PCDH1: variants seen among roughly 807,000 people sequenced by gnomAD.
PCDH1 encodes the protein protocadherin-1.
A neutral mutation model predicts 74.6 loss-of-function variants in PCDH1; 23 were observed. The ratio of observed to expected loss-of-function variants is 0.31; its 90% confidence interval spans 0.22 to 0.44. The LOEUF is 0.44. Among genes scored for constraint, PCDH1 ranks in the 20% least tolerant of loss-of-function variants. The pLI, the probability that PCDH1 is intolerant of heterozygous loss-of-function variation, is 1.00. For synonymous variants in PCDH1, 647 were observed against 686.1 expected (o/e 0.94, Z 0.89); for missense variants, 1,214 against 1,641.4 (o/e 0.74, Z 4.50).
chr5:141,860,839 G>T (rs1235786305), intron 3 of PCDH1, among the ~76,000 whole-genome samples: 5 of 152,184 alleles, frequency 3.3e-5, no homozygotes, highest in Non-Finnish European at 7.3e-5. Context: ...GTGAGTGCCG[G>T]GCATGGTGGC....
rs546093315 is a variant in PCDH1 at position 141,862,961 on chromosome 5, G to T, written c.3099+271C>A. ...CATAAGGCCCAGTAGCTGGTCCAGG[G>T]TCCAGGGACTTGGCAAATCACAGGT... On this transcript the variant is annotated intron_variant, in intron 3 of 4. Transcript: ENST00000287008. 429 of 1,248,606 alleles carry T rather than the reference G, an allele frequency of 3.4e-4. 1 individual carries two copies. Among genetic ancestry groups the T allele is most frequent in the Non-Finnish European group, 4.1e-4 (414 of 997,772 alleles). The allele number at this position is 1,248,606 out of a possible 1,614,324, so 77.3% of individuals were successfully genotyped here. A position where few individuals can be genotyped will look rare whatever the true frequency, so the allele number is the denominator to read the frequency against.
intron 1 of PCDH1, among the ~76,000 whole-genome samples, chr5:141,876,228 C>T (rs1753229015): frequency 6.6e-6 from 1 of 152,216 alleles, no homozygotes; most frequent in African/African-American, 2.4e-5. Context: ...GAACCCAAGG[C>T]AAGGCTAGGG....
Position 141,863,421 on chromosome 5 carries a change from G to A in PCDH1, c.2910C>T (p.Arg970=). The stretch of plus-strand genomic sequence containing the variant: ...GGATGGAAGGCAGTGGGGAGTTAGA[G>A]CGATAGTGGCGGCCCAGGTCAGGGC... The part of the protein sequence containing the change: ...PGSPDLGRHY[R]SNSPLPSIQL... The change falls in exon 3 of 5, where the codon CGC becomes CGT. Residue 970 remains arginine, a synonymous_variant. Transcript: ENST00000287008. This position sits in a 1 kb window ranked among gnomAD's most constrained non-coding sequence, Gnocchi z 7.5. 1 of 1,562,400 alleles carries A rather than the reference G, an allele frequency of 6.4e-7. No homozygotes were observed. Among genetic ancestry groups the A allele is most frequent in the Non-Finnish European group, 8.7e-7 (1 of 1,153,274 alleles).
Position 141,863,122 on chromosome 5 carries a change from C to A in PCDH1, c.3099+110G>T. 2.1e-6 allele frequency: 3 copies of A among 1,427,002 alleles called. No homozygotes were observed. The highest frequency in any genetic ancestry group is 1.4e-5 in the African/African-American group (1 of 70,780). 88.4% of individuals were successfully genotyped at this position (1,427,002 alleles called of 1,614,324 possible). On this transcript the variant is annotated intron_variant, in intron 3 of 4. Coordinates refer to ENST00000287008, the MANE Select transcript of PCDH1 (RefSeq NM_032420.5). This position sits in a 1 kb window ranked among gnomAD's most constrained non-coding sequence, Gnocchi z 7.5. ...TGCTGGCTCAGGCTGGCCCCCAACACGGGCAGGCACAGTAAACCTGCTCCA... is the reference window on the plus strand; with the variant it reads ...TGCTGGCTCAGGCTGGCCCCCAACAAGGGCAGGCACAGTAAACCTGCTCCA...
At chr5:141,866,151 G>T in intron 2 of PCDH1, 1 of 985,490 alleles carries the variant, frequency 1.0e-6, no homozygotes, top group Non-Finnish European at 1.2e-6. Flanking sequence ...AAGCCCTCCA[G>T]GCCGGGCCCC....
chr5:141,863,765 C>T lies in PCDH1; in HGVS notation c.2566G>A (p.Gly856Ser). ...ACGGCCACCACACCAGCCACCACAC[C>T]AAAGAGAATGTTGCCACGCTGCTTG... ...RSKQRGNILF[G>S]VVAGVVAVAL... The change falls in exon 3 of 5, where the codon GGT (glycine) becomes AGT (serine). Residue 856 changes from glycine (G) to serine (S), a missense_variant. Physicochemically the swap from Gly to Ser is moderately conservative, Grantham distance 56. Around this residue, in one of 4 missense-constraint regions of PCDH1, gnomAD observed 836 missense variants for 1,182.2 expected, o/e 0.71. Transcript: ENST00000287008. The surrounding 1 kb of genome is among the most constrained non-coding windows in gnomAD (Gnocchi z 7.5). The T allele has an allele frequency of 6.2e-7, 1 of 1,614,184 alleles. No homozygotes were observed. The highest frequency in any genetic ancestry group is 1.1e-5 in the South Asian group (1 of 91,080).
intron 1 of PCDH1, among the ~76,000 whole-genome samples, chr5:141,874,105 C>T (rs971336335): frequency 6.6e-6 from 1 of 152,180 alleles, no homozygotes; most frequent in African/African-American, 2.4e-5. Flanking sequence ...CCCCACCATT[C>T]CTGGACTGCC....
rs746403208 is a variant in PCDH1 at position 141,864,797 on chromosome 5, C to A, written c.1534G>T (p.Glu512Ter). The A allele has an allele frequency of 6.2e-7, 1 of 1,614,160 alleles. No individual in the cohort carries two copies. Among genetic ancestry groups the A allele is most frequent in the Non-Finnish European group, 8.5e-7 (1 of 1,180,036 alleles). The change falls in exon 3 of 5, where the codon GAG (glutamate) becomes TAG (stop). Residue 512 changes from glutamate (E) to a stop codon, truncating the protein, a stop_gained. Transcript: ENST00000287008. LOFTEE classifies it high-confidence loss of function. This position sits in a 1 kb window ranked among gnomAD's most constrained non-coding sequence, Gnocchi z 5.9. ...NAPVFTQSVT[E>*]VAFPENNKPG... Reference sequence around the variant, plus strand: ...TTGTTGTTTTCCGGGAAGGCGACCTCAGTGACACTCTGAGTGAAGACAGGT... The same window carrying A: ...TTGTTGTTTTCCGGGAAGGCGACCTAAGTGACACTCTGAGTGAAGACAGGT...
chr5:141,867,353 C>T (rs891873919), intron 2 of PCDH1: 4 of 289,974 alleles, frequency 1.4e-5, no homozygotes, highest in African/African-American at 9.1e-5. Context: ...GGCTCTGAAG[C>T]CAGACTCTTG....
In PCDH1 at chr5:141,853,785, G is replaced by C; in HGVS notation, c.*257C>G. The C allele has an allele frequency of 2.6e-6, 1 of 383,432 alleles. No individual in the cohort carries two copies. The highest frequency in any genetic ancestry group is 4.7e-6 in the Non-Finnish European group (1 of 214,456). 23.8% of individuals were successfully genotyped at this position (383,432 alleles called of 1,614,324 possible). On this transcript the variant is annotated 3_prime_UTR_variant, in exon 5 of 5. Transcript: ENST00000287008. ...GGGAAGGAGCCCAGTCATTGCAGAG[G>C]AGCCCTCTTGGGCATCAGATGGGGG...
Position 141,869,485 on chromosome 5 carries a change from C to G in PCDH1, c.41-54G>C. The G allele has an allele frequency of 6.3e-7, 1 of 1,576,976 alleles. No individual in the cohort carries two copies. The highest frequency in any genetic ancestry group is 1.1e-5 in the South Asian group (1 of 87,056). On this transcript the variant is annotated intron_variant, in intron 1 of 4. Transcript: ENST00000287008. The surrounding 1 kb of genome is among the most constrained non-coding windows in gnomAD (Gnocchi z 4.9). Reference sequence around the variant, plus strand: ...CATGAGCTGGGAAGAAAAGCCTGGCCCTGAGCTGCCCAGAGCTGGCCCCAT... The same window carrying G: ...CATGAGCTGGGAAGAAAAGCCTGGCGCTGAGCTGCCCAGAGCTGGCCCCAT...
chr5:141,858,452 G>A (rs62381422), intron 3 of PCDH1, among the ~76,000 whole-genome samples: 24,524 of 152,192 alleles, frequency 0.16, 2,319 homozygotes, highest in Non-Finnish European at 0.22. Context: ...CAGGAAATAG[G>A]AAGGAGCTTC....
In PCDH1 at chr5:141,869,262, G is replaced by A; in HGVS notation, c.210C>T (p.Pro70=). The A allele has an allele frequency of 6.2e-7, 1 of 1,612,000 alleles. No individual in the cohort carries two copies. Among genetic ancestry groups the A allele is most frequent in the Non-Finnish European group, 8.5e-7 (1 of 1,179,180 alleles). ...VVYKVPEEQP[P]NTLIGSLAAD... ...CTGCGAGGCTCCCAATGAGGGTGTT[G>A]GGTGGCTGTTCCTCCGGCACCTTGT... The change falls in exon 2 of 5, where the codon CCC becomes CCT. Residue 70 remains proline, a synonymous_variant. Transcript: ENST00000287008. The surrounding 1 kb of genome is among the most constrained non-coding windows in gnomAD (Gnocchi z 4.9).
In PCDH1 at chr5:141,865,856, C is replaced by T. The variant is rs1752802934; in HGVS notation, c.904-429G>A. Reference sequence around the variant, plus strand: ...GCGAGTAGTAGAGGCGGTGTGTGTGCCCGTGTGAATGTGCACTACATGCAC... The same window carrying T: ...GCGAGTAGTAGAGGCGGTGTGTGTGTCCGTGTGAATGTGCACTACATGCAC... On this transcript the variant is annotated intron_variant, in intron 2 of 4. Coordinates refer to ENST00000287008, the MANE Select transcript of PCDH1 (RefSeq NM_032420.5). The surrounding 1 kb of genome is among the most constrained non-coding windows in gnomAD (Gnocchi z 4.4). Among the ~76,000 whole-genome samples the T allele has an allele frequency of 6.6e-6, 1 of 151,970 alleles. No individual in the cohort carries two copies. The highest frequency in any genetic ancestry group is 1.5e-5 in the Non-Finnish European group (1 of 67,952).
chr5:141,866,089 C>T lies in PCDH1; in HGVS notation c.904-662G>A, dbSNP rs1412033624. 8.1e-6 allele frequency: 8 copies of T among 985,422 alleles called. No homozygotes were observed. The African/African-American group carries it at 1.4e-4, about 17-fold the overall frequency. 61.0% of individuals were successfully genotyped at this position (985,422 alleles called of 1,614,324 possible). A position where few individuals can be genotyped will look rare whatever the true frequency, so the allele number is the denominator to read the frequency against. On this transcript the variant is annotated intron_variant, in intron 2 of 4. Transcript: ENST00000287008. Reference sequence around the variant, plus strand: ...AGACTCACATGCCCATCTGAAGGCCCCAGGTTGGGGGATTTCTTTTGAAAG... The same window carrying T: ...AGACTCACATGCCCATCTGAAGGCCTCAGGTTGGGGGATTTCTTTTGAAAG...
rs747563972 is a variant in PCDH1, at chr5:141,854,240, G to A, written c.3516C>T (p.Pro1172=). The A allele has an allele frequency of 2.5e-6, 4 of 1,611,952 alleles. No individual in the cohort carries two copies. Among genetic ancestry groups the A allele is most frequent in the Non-Finnish European group, 2.5e-6 (3 of 1,178,996 alleles). The change falls in exon 5 of 5, where the codon CCC becomes CCT. Residue 1172 remains proline (P), a synonymous_variant. Transcript: ENST00000287008. ...GGQEPAGAGS[P]SPPEDRNTKT... The stretch of plus-strand genomic sequence containing the variant: ...TGGTGTTCCGGTCTTCCGGGGGGCT[G>A]GGGCTGCCGGCGCCCGCAGGCTCCT...
chr5:141,860,155 T>A (rs1752509602), intron 3 of PCDH1, among the ~76,000 whole-genome samples: 1 of 152,072 alleles, frequency 6.6e-6, no homozygotes, highest in Non-Finnish European at 1.5e-5. Flanking sequence ...AGTTTTCCCA[T>A]ACTGTGCTCG....
intron 1 of PCDH1, among the ~76,000 whole-genome samples, chr5:141,876,464 T>G (rs1020159245): frequency 1.3e-5 from 2 of 152,198 alleles, no homozygotes; most frequent in Non-Finnish European, 2.9e-5. Flanking sequence ...GACATTCTCA[T>G]AAAACCGACC....
In PCDH1 at chr5:141,864,126, C is replaced by T. The variant is rs1388720126; in HGVS notation, c.2205G>A (p.Thr735=). ...LLTPQTRLGE[T]VSQVAAEDFD... is the part of the protein sequence containing the mutation. ...AGTCCTCGGCTGCCACCTGGCTGAC[C>T]GTCTCACCAAGACGTGTCTGGGGGG... The change falls in exon 3 of 5, where the codon ACG becomes ACA. Residue 735 remains threonine (T), a synonymous_variant. Transcript: ENST00000287008. This position sits in a 1 kb window ranked among gnomAD's most constrained non-coding sequence, Gnocchi z 5.9. 6.2e-6 allele frequency: 10 copies of T among 1,609,370 alleles called. No individual in the cohort carries two copies. The East Asian group carries it at 6.7e-5, about 11-fold the overall frequency.
Sources: allele counts gnomAD v4.1 joint callset (sites outside exome capture counted in the v4.1 genomes callset), GRCh38; gene constraint gnomAD v4.1.1; regional missense constraint gnomAD v4.1.1; non-coding constraint Gnocchi (gnomAD v3.1); transcripts MANE v1.5; gene names NCBI Gene and HGNC (gene_info 2026-07-23, HGNC 2026-07-21).